The following ADGRD1 variants were observed in gnomAD, a reference collection of about 807,000 sequenced individuals.
The protein encoded by ADGRD1 is G-protein coupled receptor 133.
ADGRD1 carries 77 observed loss-of-function variants against 113.4 expected under a neutral mutation model. The observed-to-expected ratio is 0.68, with a 90% CI of 0.57 to 0.82. The LOEUF (loss-of-function observed/expected upper bound fraction) is 0.82, where lower values mean the gene tolerates loss of function less well. ADGRD1 is among the 40% of genes least tolerant of loss of function. ADGRD1 has a pLI of 0.00. For synonymous variants in ADGRD1, 474 were observed against 475.0 expected, an observed-to-expected ratio of 1.00 and a Z score of 0.03; for missense variants, 1,036 against 1,139.1, an observed-to-expected ratio of 0.91 and a Z score of 1.30.
At chr12:131,134,147 C>T (rs1014479075) in intron 21 of ADGRD1, among the ~76,000 whole-genome samples, 3 of 152,194 alleles carry the variant, frequency 2.0e-5, no homozygotes, top group Non-Finnish European at 2.9e-5. Context: ...GGGGCGGGGG[C>T]GTGAGGGTGA....
chr12:131,123,708 G>C (rs1950664035), intron 20 of ADGRD1, among the ~76,000 whole-genome samples: 1 of 151,974 alleles, frequency 6.6e-6, no homozygotes, highest in Non-Finnish European at 1.5e-5. Context: ...TGTAGTCCCA[G>C]CTACTCGGGA....
chr12:131,006,294 C>T (rs184472112), intron 12 of ADGRD1, among the ~76,000 whole-genome samples: 3 of 152,236 alleles, frequency 2.0e-5, no homozygotes, highest in Non-Finnish European at 4.4e-5. Context: ...CCCGCCTGGA[C>T]AGAACTGTGT....
intron 14 of ADGRD1, among the ~76,000 whole-genome samples, chr12:131,077,716 A>G (rs934403048): frequency 2.0e-5 from 3 of 151,998 alleles, no homozygotes; most frequent in African/African-American, 7.3e-5. Context: ...CCAGGTCATC[A>G]GTTTTCATGG....
chr12:130,964,577 T>A (rs1033328087), intron 2 of ADGRD1, among the ~76,000 whole-genome samples: 1 of 151,990 alleles, frequency 6.6e-6, no homozygotes, highest in East Asian at 1.9e-4. Context: ...CCCAGCTACT[T>A]GGGAGGCTGA....
Position 131,050,939 on chromosome 12 carries a change from G to A in ADGRD1, c.1474-25862G>A, listed in dbSNP as rs925784787. ...AGGTGGGAATGCCTGCTTGCCCACC[G>A]CTCTGTGTGCTGTGTGCCCGGTTCC... On this transcript the variant is annotated intron_variant, in intron 13 of 24. Coordinates refer to ENST00000261654, the MANE Select transcript of ADGRD1 (RefSeq NM_198827.5). This position sits in a 1 kb window ranked among gnomAD's most constrained non-coding sequence, Gnocchi z 4.8. 6.6e-6 allele frequency among the ~76,000 whole-genome samples: 1 copy of A among 152,180 alleles called. No homozygotes were observed. Among genetic ancestry groups the A allele is most frequent in the African/African-American group, 2.4e-5 (1 of 41,450 alleles).
At chr12:131,048,169 G>A (rs1166455500) in intron 13 of ADGRD1, among the ~76,000 whole-genome samples, 1 of 152,220 alleles carries the variant, frequency 6.6e-6, no homozygotes, top group Admixed American at 6.5e-5. Context: ...CCCAGCACTG[G>A]GGCTTATGCA....
At chr12:130,997,436 C>T (rs1312727024) in intron 8 of ADGRD1, among the ~76,000 whole-genome samples, 2 of 146,616 alleles carry the variant, frequency 1.4e-5, no homozygotes, top group African/African-American at 2.6e-5. Flanking sequence ...AGGGGCTCCT[C>T]ACTTCTCAGA....
In ADGRD1 at chr12:130,984,044, C is replaced by T. The variant is rs371103621; in HGVS notation, c.490+1981C>T. 6.6e-6 allele frequency among the ~76,000 whole-genome samples: 1 copy of T among 152,328 alleles called. No homozygotes were observed. The highest frequency in any genetic ancestry group is 2.1e-4 in the South Asian group (1 of 4,818). The stretch of plus-strand genomic sequence containing the variant: ...TTGGTCTTCCCTCTACCAACTCACT[C>T]CCATGTTGGTTAACATTATACGCCC... On this transcript the variant is annotated intron_variant, in intron 5 of 24. Transcript: ENST00000261654. This position sits in a 1 kb window ranked among gnomAD's most constrained non-coding sequence, Gnocchi z 4.1.
intron 13 of ADGRD1, among the ~76,000 whole-genome samples, chr12:131,042,937 T>A (rs1882286161): frequency 6.6e-6 from 1 of 152,262 alleles, no homozygotes; most frequent in African/African-American, 2.4e-5. Flanking sequence ...TGTCGGATTG[T>A]CCGCAGCTGA....
chr12:131,001,944 T>C (rs28368864), intron 9 of ADGRD1, among the ~76,000 whole-genome samples: 1,648 of 152,332 alleles, frequency 0.011, 40 homozygotes, highest in African/African-American at 0.037. Context: ...GAGTTTACAT[T>C]TGATAAACTT....
intron 4 of ADGRD1, among the ~76,000 whole-genome samples, chr12:130,975,184 G>A (rs1328583516): frequency 6.6e-6 from 1 of 152,184 alleles, no homozygotes; most frequent in Non-Finnish European, 1.5e-5. Flanking sequence ...TGGAGACCTT[G>A]AAGGCTCAGC....
intron 5 of ADGRD1, among the ~76,000 whole-genome samples, chr12:130,985,941 CT>C (rs34305701): frequency 0.72 from 108,953 of 152,100 alleles, 42,689 homozygotes; most frequent in East Asian, 0.94. Flanking sequence ...ATTGTACTGC[CT>C]TTTCTCCTTT....
At chr12:131,033,206 G>A in intron 13 of ADGRD1, among the ~76,000 whole-genome samples, 1 of 152,160 alleles carries the variant, frequency 6.6e-6, no homozygotes, top group Non-Finnish European at 1.5e-5. Context: ...GGGCCGTTGG[G>A]TGGGTCCCCT....
intron 24 of ADGRD1, 142 bp downstream of exon 24, chr12:131,138,371 C>T (rs1951156075): frequency 2.9e-6 from 2 of 680,228 alleles, no homozygotes; most frequent in Non-Finnish European, 2.6e-6. Context: ...CTGCAGGCTG[C>T]ACGTGCTCTG....
chr12:131,090,433 A>G (rs886361829), intron 15 of ADGRD1, among the ~76,000 whole-genome samples: 3 of 152,092 alleles, frequency 2.0e-5, no homozygotes, highest in Admixed American at 6.5e-5. Flanking sequence ...TCACATCCTC[A>G]TCGTGTCCCT....
chr12:131,017,395 T>TACACTCAATCCAC (rs1878711177), intron 13 of ADGRD1, among the ~76,000 whole-genome samples: 1 of 86,304 alleles, frequency 1.2e-5, no homozygotes, highest in Non-Finnish European at 2.1e-5. Context: ...CCAGTCCACA[T>TACACTCAATCCAC]ACACTCAGTC....
intron 23 of ADGRD1, chr12:131,137,598 G>A (rs753671759): frequency 8.1e-5 from 17 of 209,590 alleles, no homozygotes; most frequent in Non-Finnish European, 1.2e-4. Context: ...CAGAGGGGCC[G>A]TCCTGCCCGG....
chr12:131,136,218 C>G lies in ADGRD1; in HGVS notation c.2394+55C>G, dbSNP rs556631573. On this transcript the variant is annotated intron_variant, in intron 22 of 24. Coordinates refer to ENST00000261654, the MANE Select transcript of ADGRD1 (RefSeq NM_198827.5). ...AGGGCCGCCAGCCATCAGGAGCAGG[C>G]TTGCAGGGAGCTAGGGCTGCAGGGG... The G allele has an allele frequency of 6.2e-6, 10 of 1,601,786 alleles. No homozygotes were observed. The East Asian group carries it at 2.0e-4, about 33-fold the overall frequency.
rs1372798863 is a variant in ADGRD1, at chr12:131,010,142, T to C, written c.1332-4057T>C. Among the ~76,000 whole-genome samples, 3 of 152,204 alleles carry C rather than the reference T, an allele frequency of 2.0e-5. No homozygotes were observed. In the East Asian group the frequency reaches 5.8e-4, roughly 29 times the overall value. On this transcript the variant is annotated intron_variant, in intron 12 of 24. Transcript: ENST00000261654. ...GTTTGCGTCAGTCAGGGGCTCAGTC[T>C]CCTTCAAGAATTCACCATCACCCAA...
Sources: allele counts gnomAD v4.1 joint callset (sites outside exome capture counted in the v4.1 genomes callset), GRCh38; gene constraint gnomAD v4.1.1; non-coding constraint Gnocchi (gnomAD v3.1); transcripts MANE v1.5; gene names NCBI Gene and HGNC (gene_info 2026-07-23, HGNC 2026-07-21).